Variants in AMN1 observed in about 807,000 individuals in gnomAD.
AMN1 encodes the protein protein AMN1 homolog.
AMN1 carries 20 observed loss-of-function variants against 33.0 expected under a neutral mutation model. The ratio of observed to expected loss-of-function variants is 0.61; its 90% CI spans 0.43 to 0.88. The LOEUF (loss-of-function observed/expected upper bound fraction) is 0.88. AMN1 is among the 40% of genes least tolerant of loss of function. The probability of loss-of-function intolerance (pLI) is 0.00; values close to 1 mark genes in which losing one functional copy is unlikely to be tolerated. For missense variants in AMN1, 246 were observed against 307.4 expected (o/e 0.80, Z 1.49); for synonymous variants, 114 against 111.9 (o/e 1.02, Z -0.12).
At chr12:31,717,106 T>G (rs1279503267) in intron 1 of AMN1, among the ~76,000 whole-genome samples, 1 of 152,046 alleles carries the variant, frequency 6.6e-6, no homozygotes, top group Non-Finnish European at 1.5e-5. Context: ...ATCCTTTCCC[T>G]TGCTCCCCCC....
rs202063462 is a variant in AMN1 at position 31,691,887 on chromosome 12, AT to A, written c.592-2770del. 8.3e-3 allele frequency among the ~76,000 whole-genome samples: 1,263 copies of A among 152,078 alleles called. 18 individuals carry two copies. The highest frequency in any genetic ancestry group is 0.029 in the African/African-American group (1,191 of 41,504). ...TATTTTATTTTATTTTACTTTATTT[AT>A]TTTTTTGAGACAGAGTTTCATTCTT... On this transcript the variant is annotated intron_variant, in intron 5 of 6. Transcript: ENST00000281471.
chr12:31,680,639 T>C lies in AMN1; in HGVS notation c.704-8262A>G, dbSNP rs148298126. Among the ~76,000 whole-genome samples, 1,107 of 152,346 alleles carry C rather than the reference T, an allele frequency of 7.3e-3. 18 individuals are homozygous for C. Among genetic ancestry groups the C allele is most frequent in the African/African-American group, 0.025 (1,055 of 41,572 alleles). The stretch of plus-strand genomic sequence containing the variant: ...TTTTATTCTAACTAAGGTTAAGAAA[T>C]TTTATAAATACTTAGAAACATAGTC... On this transcript the variant is annotated intron_variant, in intron 6 of 6. Transcript: ENST00000281471.
intron 3 of AMN1, among the ~76,000 whole-genome samples, chr12:31,700,011 T>C (rs991675346): frequency 6.6e-6 from 1 of 152,222 alleles, no homozygotes; most frequent in Non-Finnish European, 1.5e-5. Context: ...TTATTATTTA[T>C]GTAAACATAT....
chr12:31,676,438 C>T lies in AMN1; in HGVS notation c.704-4061G>A, dbSNP rs185869333. Among the ~76,000 whole-genome samples the T allele has an allele frequency of 3.3e-4, 50 of 151,564 alleles. 3 individuals are homozygous for T. Among genetic ancestry groups the T allele is most frequent in the African/African-American group, 1.0e-3 (43 of 41,088 alleles). ...TAGCCTGGGCAACATGGCGAAACCC[C>T]GTCTCTACTAAAAATGCAAAAATTA... On this transcript the variant is annotated intron_variant, in intron 6 of 6. Transcript: ENST00000281471.
chr12:31,723,765 G>A (rs888054810), intron 1 of AMN1, among the ~76,000 whole-genome samples: 1 of 152,126 alleles, frequency 6.6e-6, no homozygotes, highest in Non-Finnish European at 1.5e-5. Flanking sequence ...CAGAGGGTGT[G>A]TAGCCTACAA....
chr12:31,700,806 C>T (rs964677145), intron 3 of AMN1, among the ~76,000 whole-genome samples: 9 of 151,912 alleles, frequency 5.9e-5, no homozygotes, highest in Non-Finnish European at 1.3e-4. Flanking sequence ...TCTCCTACCT[C>T]AGCCTCCCGA....
chr12:31,675,005 C>T (rs1240323831), intron 6 of AMN1, among the ~76,000 whole-genome samples: 4 of 142,356 alleles, frequency 2.8e-5, no homozygotes, highest in Non-Finnish European at 6.1e-5. Context: ...CTGGGCAACA[C>T]AGCAAGACCC....
At chr12:31,698,476 T>C (rs1401833705) in intron 3 of AMN1, among the ~76,000 whole-genome samples, 1 of 152,200 alleles carries the variant, frequency 6.6e-6, no homozygotes, top group East Asian at 1.9e-4. Context: ...TCTACCACCA[T>C]GCTCCTTCTG....
chr12:31,708,021 T>C (rs1363783513), intron 2 of AMN1, among the ~76,000 whole-genome samples: 1 of 152,350 alleles, frequency 6.6e-6, no homozygotes, highest in Non-Finnish European at 1.5e-5. Flanking sequence ...TTGCATTAAC[T>C]GTACAAATTG....
At chr12:31,704,509 C>A (rs1194377506) in intron 2 of AMN1, among the ~76,000 whole-genome samples, 2 of 125,410 alleles carry the variant, frequency 1.6e-5, no homozygotes, top group East Asian at 4.4e-4. Context: ...TTTTTTTTTT[C>A]TTCTTGCCAT....
intron 5 of AMN1, among the ~76,000 whole-genome samples, chr12:31,695,384 G>A (rs949572900): frequency 6.6e-6 from 1 of 151,914 alleles, no homozygotes; most frequent in Non-Finnish European, 1.5e-5. Context: ...CTCGACAAAT[G>A]TTTGCACTTA....
chr12:31,672,281 C>G lies in AMN1; in HGVS notation c.*23G>C. The G allele has an allele frequency of 2.0e-6, 3 of 1,535,024 alleles. No homozygotes were observed. In the South Asian group the frequency reaches 3.6e-5, roughly 18 times the overall value. On this transcript the variant is annotated 3_prime_UTR_variant, in exon 7 of 7. Coordinates refer to ENST00000281471, the MANE Select transcript of AMN1 (RefSeq NM_001113402.2). ...AAGTAGTTTTGATAAGCTTTCCTAG[C>G]ATTGATCATCTTCAAAAAAGCATCA...
At chr12:31,679,776 T>C (rs1374458662) in intron 6 of AMN1, among the ~76,000 whole-genome samples, 1 of 152,032 alleles carries the variant, frequency 6.6e-6, no homozygotes, top group African/African-American at 2.4e-5. Context: ...TTAGCAAAGG[T>C]ATGTGAGGTG....
chr12:31,723,629 A>T (rs1029055009), intron 1 of AMN1, among the ~76,000 whole-genome samples: 7 of 152,204 alleles, frequency 4.6e-5, no homozygotes, highest in Non-Finnish European at 1.0e-4. Context: ...TTGCTCAACA[A>T]TGAGCCGATA....
At chr12:31,711,291 T>C (rs1055287000) in intron 1 of AMN1, among the ~76,000 whole-genome samples, 4 of 152,218 alleles carry the variant, frequency 2.6e-5, no homozygotes, top group Non-Finnish European at 5.9e-5. Flanking sequence ...GTTTAATGTG[T>C]ATCCTTTCAT....
In AMN1 at chr12:31,728,870, G is replaced by C. The variant is rs974071958; in HGVS notation, c.38+101C>G. 1.1e-5 allele frequency: 15 copies of C among 1,353,776 alleles called. No homozygotes were observed. The African/African-American group carries it at 1.4e-4, about 13-fold the overall frequency. The allele number at this position is 1,353,776 out of a possible 1,614,324, so 83.9% of individuals were successfully genotyped here. ...GCGGGGCCTCTTCAGAGGTCGGCGGGGGGGGTGGGAAAGGGGCGGGGAGGA... is the reference window on the plus strand; with the variant it reads ...GCGGGGCCTCTTCAGAGGTCGGCGGCGGGGGTGGGAAAGGGGCGGGGAGGA... On this transcript the variant is annotated intron_variant, in intron 1 of 6. Transcript: ENST00000281471.
chr12:31,689,595 A>G (rs1320062000), intron 5 of AMN1, among the ~76,000 whole-genome samples: 1 of 152,214 alleles, frequency 6.6e-6, no homozygotes, highest in Non-Finnish European at 1.5e-5. Flanking sequence ...GTAGTATCTT[A>G]TAAAGCTAAA....
At chr12:31,715,532 T>G (rs752309116) in intron 1 of AMN1, 7 of 169,102 alleles carry the variant, frequency 4.1e-5, no homozygotes, top group Non-Finnish European at 9.2e-5. Context: ...TATTGATTTC[T>G]GAAGCACTTC....
At chr12:31,689,175 A>C (rs1399386981) in intron 5 of AMN1, 57 bp from the exon 6 acceptor site, 5 of 1,189,952 alleles carry the variant, frequency 4.2e-6, no homozygotes, top group Non-Finnish European at 6.0e-6. Context: ...TAATAACAGT[A>C]TGAACAATTT....
Sources: allele counts gnomAD v4.1 joint callset (sites outside exome capture counted in the v4.1 genomes callset), GRCh38; gene constraint gnomAD v4.1.1; transcripts MANE v1.5; gene names NCBI Gene and HGNC (gene_info 2026-07-23, HGNC 2026-07-21).